The following RGS7 variants were observed in gnomAD, a reference collection of about 807,000 sequenced individuals.
RGS7 encodes the protein regulator of G-protein signaling 7.
In RGS7, 27 loss-of-function variants were observed where a neutral mutation model predicts 81.1. The ratio of observed to expected loss-of-function variants is 0.33; its 90% confidence interval spans 0.25 to 0.46. The LOEUF is 0.46. RGS7 is among the 20% of genes least tolerant of loss of function. The probability of loss-of-function intolerance (pLI) is 1.00; values close to 1 mark genes in which losing one functional copy is unlikely to be tolerated. For synonymous variants in RGS7, 208 were observed against 207.7 expected, an observed-to-expected ratio of 1.00 and a Z score of -0.01; for missense variants, 396 against 607.4, an observed-to-expected ratio of 0.65 and a Z score of 3.66.
At chr1:240,970,352 C>T (rs370582489) in intron 4 of RGS7, among the ~76,000 whole-genome samples, 37 of 152,314 alleles carry the variant, frequency 2.4e-4, no homozygotes, top group African/African-American at 8.4e-4. Context: ...TCAGTACATT[C>T]TAGGTTTGGG....
chr1:241,091,590 TA>T (rs2063884570), intron 3 of RGS7, among the ~76,000 whole-genome samples: 1 of 136,128 alleles, frequency 7.3e-6, no homozygotes, highest in Non-Finnish European at 1.6e-5. Flanking sequence ...AATAAATAAA[TA>T]AATAAAAAAG....
intron 4 of RGS7, among the ~76,000 whole-genome samples, chr1:240,970,966 G>A (rs77295669): frequency 0.036 from 5,466 of 152,170 alleles, 101 homozygotes; most frequent in African/African-American, 0.055. Flanking sequence ...ATGATACAGG[G>A]AGATTCCGTC....
At chr1:240,941,277 G>C (rs1677535019) in intron 4 of RGS7, among the ~76,000 whole-genome samples, 1 of 152,126 alleles carries the variant, frequency 6.6e-6, no homozygotes, top group South Asian at 2.1e-4. Flanking sequence ...ATGGTTTTAA[G>C]ATTTTTGGTC....
chr1:241,057,259 G>A (rs571569016), intron 3 of RGS7, among the ~76,000 whole-genome samples: 7 of 152,070 alleles, frequency 4.6e-5, no homozygotes, highest in South Asian at 4.1e-4. Flanking sequence ...GTTATTTAAC[G>A]TTCCAGTCCC....
intron 4 of RGS7, among the ~76,000 whole-genome samples, chr1:240,954,838 C>T (rs446189): frequency 0.93 from 141,443 of 152,228 alleles, 65,811 homozygotes; most frequent in Admixed American, 0.96. Context: ...TAATTGTCTA[C>T]GTAGAAAATC....
intron 6 of RGS7, among the ~76,000 whole-genome samples, chr1:240,900,383 T>A (rs1046030055): frequency 6.6e-6 from 1 of 152,218 alleles, no homozygotes; most frequent in Admixed American, 6.5e-5. Context: ...ATTTTTAGAA[T>A]TTTCAGCTTT....
At chr1:241,308,981 A>G (rs1361686664) in intron 2 of RGS7, among the ~76,000 whole-genome samples, 1 of 152,218 alleles carries the variant, frequency 6.6e-6, no homozygotes, top group East Asian at 1.9e-4. Flanking sequence ...GGTATTCATG[A>G]GTGAACACAT....
At chr1:241,127,758 TTAAA>T (rs1196341928) in intron 2 of RGS7, among the ~76,000 whole-genome samples, 1 of 152,198 alleles carries the variant, frequency 6.6e-6, no homozygotes, top group Non-Finnish European at 1.5e-5. Context: ...AAGTAAAAGT[TTAAA>T]TAGTGTTGAC....
At chr1:240,919,368 A>G (rs1458782942) in intron 6 of RGS7, among the ~76,000 whole-genome samples, 3 of 152,188 alleles carry the variant, frequency 2.0e-5, no homozygotes, top group African/African-American at 7.2e-5. Context: ...TGTATAAAAT[A>G]TTATACATCA....
rs577222652 is a variant in RGS7 at position 241,298,546 on chromosome 1, A to C, written c.78+57153T>G. On this transcript the variant is annotated intron_variant, in intron 2 of 18. Transcript: ENST00000440928. ...CCTTCTGACACTACATTCCCTGACG[A>C]CACCTTCTACCATTGCTTCATTGAA... Among the ~76,000 whole-genome samples, 99 of 152,252 alleles carry C rather than the reference A, an allele frequency of 6.5e-4. 1 individual carries two copies. In the South Asian group the frequency reaches 0.02, roughly 30 times the overall value.
chr1:241,309,168 C>T (rs1044358096), intron 2 of RGS7, among the ~76,000 whole-genome samples: 2 of 152,048 alleles, frequency 1.3e-5, no homozygotes, highest in African/African-American at 4.8e-5. Flanking sequence ...GGGTGGATCA[C>T]CTGAGGTCAG....
chr1:241,098,267 T>C (rs2064440973), intron 3 of RGS7, among the ~76,000 whole-genome samples: 2 of 152,208 alleles, frequency 1.3e-5, no homozygotes, highest in Admixed American at 6.5e-5. Context: ...TGGCTCTTCC[T>C]CATCTTTCAA....
intron 2 of RGS7, among the ~76,000 whole-genome samples, chr1:241,311,630 A>G (rs1308272915): frequency 6.6e-6 from 1 of 152,176 alleles, no homozygotes; most frequent in Non-Finnish European, 1.5e-5. Context: ...TGGGCGTTTT[A>G]TATATTTCTA....
At chr1:240,949,755 G>A (rs562153897) in intron 4 of RGS7, among the ~76,000 whole-genome samples, 2 of 151,028 alleles carry the variant, frequency 1.3e-5, no homozygotes, top group Admixed American at 1.3e-4. Context: ...GGCTGGGGCA[G>A]GAGAATGGCT....
chr1:240,799,888 T>G (rs1054297960), intron 18 of RGS7, among the ~76,000 whole-genome samples: 10 of 152,112 alleles, frequency 6.6e-5, no homozygotes, highest in Non-Finnish European at 1.3e-4. Flanking sequence ...TTTCTTAAAG[T>G]TTGCAGTGTG....
At chr1:241,330,800 G>C (rs2081936253) in intron 2 of RGS7, among the ~76,000 whole-genome samples, 1 of 152,100 alleles carries the variant, frequency 6.6e-6, no homozygotes, top group Non-Finnish European at 1.5e-5. Context: ...GAGGTGTCAG[G>C]GGCAAGGGTT....
chr1:240,885,339 T>C (rs931495172), intron 6 of RGS7, among the ~76,000 whole-genome samples: 8 of 152,248 alleles, frequency 5.3e-5, no homozygotes, highest in Non-Finnish European at 7.4e-5. Context: ...GAAAGCAGTA[T>C]GGCAACTTCT....
intron 11 of RGS7, among the ~76,000 whole-genome samples, chr1:240,815,995 C>T (rs1362003934): frequency 6.6e-6 from 1 of 152,174 alleles, no homozygotes; most frequent in South Asian, 2.1e-4. Flanking sequence ...TAAAAGAGAG[C>T]TTTGGAGTAC....
chr1:240,805,811 C>A (rs555072361), intron 15 of RGS7, among the ~76,000 whole-genome samples: 116 of 152,122 alleles, frequency 7.6e-4, no homozygotes, highest in African/African-American at 2.5e-3. Flanking sequence ...TTTAAAAAAT[C>A]TTTTACTGAG....
Sources: allele counts gnomAD v4.1 joint callset (sites outside exome capture counted in the v4.1 genomes callset), GRCh38; gene constraint gnomAD v4.1.1; transcripts MANE v1.5; gene names NCBI Gene and HGNC (gene_info 2026-07-23, HGNC 2026-07-21).